SP140: variants seen among roughly 807,000 people sequenced by gnomAD.
The protein encoded by SP140 is nuclear body protein SP140.
In SP140, 81 loss-of-function variants were observed where a neutral mutation model predicts 125.0. The ratio of observed to expected loss-of-function variants is 0.65; its 90% CI spans 0.54 to 0.78. The LOEUF is 0.78. Among genes scored for constraint, SP140 ranks in the 30% least tolerant of loss-of-function variants. SP140 has a pLI of 0.00. For missense variants in SP140, 858 were observed against 1,037.0 expected (o/e 0.83, Z 2.37); for synonymous variants, 312 against 354.0 (o/e 0.88, Z 1.33).
chr2:230,201,542 T>C (rs527428649), upstream of SP140, among the ~76,000 whole-genome samples: 41 of 152,278 alleles, frequency 2.7e-4, 1 homozygote, highest in African/African-American at 9.9e-4. Context: ...CCAGTAAAAA[T>C]TATTAATTTT....
chr2:230,310,574 G>A (rs1365617045), intron 23 of SP140, among the ~76,000 whole-genome samples, 169 bp from the exon 24 acceptor site: 1 of 152,054 alleles, frequency 6.6e-6, no homozygotes, highest in African/African-American at 2.4e-5. Flanking sequence ...CGAGGGAAAG[G>A]CCAATGGCTG....
chr2:230,261,402 T>A (rs751707435), intron 12 of SP140, among the ~76,000 whole-genome samples: 4 of 152,160 alleles, frequency 2.6e-5, no homozygotes, highest in Non-Finnish European at 5.9e-5. Flanking sequence ...CAGCAAACAG[T>A]GAGAATTTGA....
chr2:230,243,700 G>C, intron 4 of SP140, 31 bp from the exon 5 acceptor site: 1 of 1,517,552 alleles, frequency 6.6e-7, no homozygotes, highest in Non-Finnish European at 9.1e-7. Context: ...CATAAATCAA[G>C]ACATCTAAGG....
At chr2:230,228,955 G>A (rs1023579673) in intron 1 of SP140, among the ~76,000 whole-genome samples, 2 of 151,908 alleles carry the variant, frequency 1.3e-5, no homozygotes, top group East Asian at 1.9e-4. Flanking sequence ...TGTACCTATC[G>A]TTTTTATCTT....
chr2:230,221,102 G>A (rs1035304641), upstream of SP140, among the ~76,000 whole-genome samples: 5 of 151,938 alleles, frequency 3.3e-5, no homozygotes, highest in African/African-American at 4.8e-5. Context: ...CCAACATGGT[G>A]AAACCCCATC....
chr2:230,309,004 T>G (rs1426801627), intron 22 of SP140, among the ~76,000 whole-genome samples: 1 of 152,202 alleles, frequency 6.6e-6, no homozygotes, highest in Non-Finnish European at 1.5e-5. Flanking sequence ...GCTCTATAAA[T>G]TCTGTTGGTT....
chr2:230,279,301 A>G (rs2055180458), intron 15 of SP140, among the ~76,000 whole-genome samples: 1 of 152,150 alleles, frequency 6.6e-6, no homozygotes. Context: ...TTTCACAGAA[A>G]TAGGTAAAAG....
intron 21 of SP140, among the ~76,000 whole-genome samples, chr2:230,295,920 T>C (rs544421871): frequency 1.3e-5 from 2 of 152,176 alleles, no homozygotes; most frequent in Admixed American, 6.5e-5. Context: ...TAAATGCCAA[T>C]GGACATTACA....
chr2:230,223,697 A>C (rs1322168106), upstream of SP140, among the ~76,000 whole-genome samples: 1 of 152,228 alleles, frequency 6.6e-6, no homozygotes, highest in Non-Finnish European at 1.5e-5. Context: ...AGAGTCAGGA[A>C]TTTTGGAGTT....
chr2:230,303,967 G>C (rs1369332247), intron 22 of SP140, among the ~76,000 whole-genome samples: 1 of 152,090 alleles, frequency 6.6e-6, no homozygotes, highest in Non-Finnish European at 1.5e-5. Flanking sequence ...AAGTCAAACT[G>C]TTGCTGGTCG....
At chr2:230,309,596 A>G (rs1409192400) in intron 22 of SP140, among the ~76,000 whole-genome samples, 1 of 152,248 alleles carries the variant, frequency 6.6e-6, no homozygotes, top group Admixed American at 6.5e-5. Flanking sequence ...ACTTCATTTC[A>G]AAACCTGGTT....
At chr2:230,214,426 C>T (rs1054659059) in intron 3 of SP140, among the ~76,000 whole-genome samples, 1 of 152,162 alleles carries the variant, frequency 6.6e-6, no homozygotes, top group Admixed American at 6.5e-5. Context: ...TCTTAACCAA[C>T]AAGTAATTTT....
chr2:230,253,899 C>T (rs2050753295), intron 11 of SP140, among the ~76,000 whole-genome samples: 1 of 152,172 alleles, frequency 6.6e-6, no homozygotes, highest in African/African-American at 2.4e-5. Flanking sequence ...TGCAGTTTTA[C>T]AGCCCCTGCG....
intron 22 of SP140, among the ~76,000 whole-genome samples, chr2:230,304,355 T>A (rs550775560): frequency 4.6e-5 from 7 of 152,266 alleles, no homozygotes; most frequent in African/African-American, 1.7e-4. Flanking sequence ...GTCAATGCAA[T>A]TCCCATCAAA....
chr2:230,301,270 C>G (rs879766406), intron 22 of SP140, among the ~76,000 whole-genome samples: 3 of 152,066 alleles, frequency 2.0e-5, no homozygotes, highest in Non-Finnish European at 4.4e-5. Flanking sequence ...ATTTAGACAT[C>G]CAAATACAAG....
intron 12 of SP140, among the ~76,000 whole-genome samples, chr2:230,256,921 T>C (rs753576820): frequency 6.6e-6 from 1 of 152,228 alleles, no homozygotes; most frequent in Non-Finnish European, 1.5e-5. Context: ...GTTATAATTT[T>C]ACTCACAAAA....
intron 22 of SP140, among the ~76,000 whole-genome samples, chr2:230,305,078 A>C (rs565246787): frequency 6.6e-6 from 1 of 152,362 alleles, no homozygotes; most frequent in African/African-American, 2.4e-5. Context: ...AAATAATCCC[A>C]TCAAAAAGTG....
chr2:230,299,343 A>G (rs1411573416), intron 22 of SP140, among the ~76,000 whole-genome samples: 4 of 152,242 alleles, frequency 2.6e-5, no homozygotes, highest in African/African-American at 9.6e-5. Context: ...TCACAGGAGA[A>G]GGATTTCACC....
chr2:230,199,754 A>C (rs1203728815), upstream of SP140, among the ~76,000 whole-genome samples: 1 of 152,106 alleles, frequency 6.6e-6, no homozygotes, highest in East Asian at 1.9e-4. Context: ...GTTTATTTCC[A>C]TTATCCATAG....
Sources: allele counts gnomAD v4.1 joint callset (sites outside exome capture counted in the v4.1 genomes callset), GRCh38; gene constraint gnomAD v4.1.1; transcripts MANE v1.5; gene names NCBI Gene and HGNC (gene_info 2026-07-23, HGNC 2026-07-21).